FGF14: variants seen among roughly 807,000 people sequenced by gnomAD.
The protein encoded by FGF14 is fibroblast growth factor homologous factor 4.
A neutral mutation model predicts 25.5 loss-of-function variants in FGF14; 5 were observed. The ratio of observed to expected loss-of-function variants is 0.20; its 90% confidence interval spans 0.10 to 0.41. FGF14 has a LOEUF of 0.41. Ranked by LOEUF, FGF14 falls within the 10% of genes least tolerant of loss-of-function variation. The probability of loss-of-function intolerance (pLI) is 1.00; values close to 1 mark genes in which losing one functional copy is unlikely to be tolerated. For synonymous variants in FGF14, 138 were observed against 118.3 expected, an observed-to-expected ratio of 1.17 and a Z score of -1.08; for missense variants, 222 against 320.1, an observed-to-expected ratio of 0.69 and a Z score of 2.34.
At chr13:102,071,625 T>G (rs1379089237) in intron 1 of FGF14, among the ~76,000 whole-genome samples, 1 of 152,230 alleles carries the variant, frequency 6.6e-6, no homozygotes, top group African/African-American at 2.4e-5. Flanking sequence ...TTTTTCCGGA[T>G]GTAATAGAAA....
chr13:101,823,577 A>G (rs2140247762), intron 3 of FGF14, among the ~76,000 whole-genome samples: 1 of 150,536 alleles, frequency 6.6e-6, no homozygotes, highest in Admixed American at 6.6e-5. Context: ...AGCTGGGATT[A>G]CAGGCATGCA....
At chr13:101,946,075 C>T (rs2035784770) in intron 1 of FGF14, among the ~76,000 whole-genome samples, 1 of 152,100 alleles carries the variant, frequency 6.6e-6, no homozygotes, top group African/African-American at 2.4e-5. Flanking sequence ...AAACTAATAT[C>T]CATGCTAATC....
intron 1 of FGF14, among the ~76,000 whole-genome samples, chr13:102,027,992 C>A (rs551601124): frequency 5.9e-5 from 9 of 152,000 alleles, no homozygotes; most frequent in Admixed American, 2.6e-4. Flanking sequence ...AGAGTGTGGC[C>A]ACCTCTGGGT....
chr13:102,042,073 A>G (rs183198646), intron 1 of FGF14, among the ~76,000 whole-genome samples: 21 of 152,296 alleles, frequency 1.4e-4, no homozygotes, highest in African/African-American at 4.8e-4. Flanking sequence ...TTCCTTAGTC[A>G]TTTCCTTATG....
At chr13:102,008,293 G>GCTA (rs1189369059) in intron 1 of FGF14, among the ~76,000 whole-genome samples, 1 of 152,092 alleles carries the variant, frequency 6.6e-6, no homozygotes, top group Admixed American at 6.6e-5. Context: ...TTGATCCACA[G>GCTA]CTACTAAATT....
Position 102,224,467 on chromosome 13 carries a change from C to T in FGF14, c.208+177004G>A, listed in dbSNP as rs138274317. On this transcript the variant is annotated intron_variant, in intron 1 of 4. Coordinates refer to the FGF14 transcript ENST00000376131. ...TTGGTGCACCATCATGTTATAGATT[C>T]GAATGTCGCTATGCTGAATTAATAG... 2.7e-3 allele frequency among the ~76,000 whole-genome samples: 417 copies of T among 152,144 alleles called. 1 individual carries two copies. The highest frequency in any genetic ancestry group is 8.9e-3 in the African/African-American group (371 of 41,522).
At chr13:102,132,397 A>G (rs1210469267) in intron 1 of FGF14, among the ~76,000 whole-genome samples, 1 of 152,224 alleles carries the variant, frequency 6.6e-6, no homozygotes, top group African/African-American at 2.4e-5. Context: ...TCTGAGGTCC[A>G]AACTAAAGCA....
rs762346928 is a variant in FGF14, at chr13:101,714,575, T to C, written c.*8256A>G. ...AGGTGCAGTATTAACCTTTTCTAATTGCTCTATGCCACAGTTTGTTATAGA... is the reference window on the plus strand; with the variant it reads ...AGGTGCAGTATTAACCTTTTCTAATCGCTCTATGCCACAGTTTGTTATAGA... On this transcript the variant is annotated 3_prime_UTR_variant, in exon 5 of 5. Coordinates refer to ENST00000376143, the MANE Select transcript of FGF14 (RefSeq NM_004115.4). 2.2e-6 allele frequency: 3 copies of C among 1,339,126 alleles called. No individual in the cohort carries two copies. Among genetic ancestry groups the C allele is most frequent in the Admixed American group, 1.7e-5 (1 of 59,618 alleles). The allele number at this position is 1,339,126 out of a possible 1,614,324, so 83.0% of individuals were successfully genotyped here. A position where few individuals can be genotyped will look rare whatever the true frequency, so the allele number is the denominator to read the frequency against.
chr13:102,003,855 A>AT (rs1215372645), intron 1 of FGF14, among the ~76,000 whole-genome samples: 5 of 152,084 alleles, frequency 3.3e-5, no homozygotes, highest in Non-Finnish European at 7.4e-5. Flanking sequence ...TATAGCCAAA[A>AT]TGAATAGATA....
At chr13:102,087,625 T>A (rs565264856) in intron 1 of FGF14, among the ~76,000 whole-genome samples, 1 of 141,328 alleles carries the variant, frequency 7.1e-6, no homozygotes, top group East Asian at 2.2e-4. Flanking sequence ...GGGATTTCAC[T>A]GTGTTAGCCA....
At chr13:101,791,898 G>C (rs1187207196) in intron 3 of FGF14, among the ~76,000 whole-genome samples, 1 of 152,128 alleles carries the variant, frequency 6.6e-6, no homozygotes, top group Non-Finnish European at 1.5e-5. Context: ...CAAGCTGGAT[G>C]TGTTTATATA....
At chr13:101,780,811 G>T (rs2039442791) in intron 3 of FGF14, among the ~76,000 whole-genome samples, 2 of 152,068 alleles carry the variant, frequency 1.3e-5, no homozygotes, top group Non-Finnish European at 1.5e-5. Flanking sequence ...TCAGGGGCAC[G>T]GAGAAGCACA....
intron 1 of FGF14, among the ~76,000 whole-genome samples, chr13:101,900,256 C>T (rs1183073014): frequency 2.0e-5 from 3 of 151,972 alleles, no homozygotes; most frequent in Non-Finnish European, 4.4e-5. Flanking sequence ...AATCAACAAG[C>T]TTACAATTTA....
In FGF14 at chr13:102,136,327, G is replaced by A. The variant is rs183111872; in HGVS notation, c.209-261031C>T. Among the ~76,000 whole-genome samples the A allele has an allele frequency of 3.0e-4, 46 of 152,196 alleles. 1 individual carries two copies. In the East Asian group the frequency reaches 8.7e-3, roughly 29 times the overall value. On this transcript the variant is annotated intron_variant, in intron 1 of 4. Coordinates refer to the FGF14 transcript ENST00000376131. ...TGTTATCATCATAATTATTACCTGT[G>A]TTTTAGAGATGAGGAAACTGAGGCA...
chr13:101,963,013 A>G (rs1441036117), intron 1 of FGF14, among the ~76,000 whole-genome samples: 1 of 152,352 alleles, frequency 6.6e-6, no homozygotes, highest in East Asian at 1.9e-4. Flanking sequence ...TTCTTTGGAT[A>G]TGATCATGCT....
intron 1 of FGF14, among the ~76,000 whole-genome samples, chr13:101,901,384 C>T (rs937605884): frequency 9.9e-5 from 15 of 152,052 alleles, no homozygotes; most frequent in African/African-American, 3.1e-4. Flanking sequence ...CAAAGAGACC[C>T]CAAGTGAAGA....
At chr13:102,274,129 C>T (rs940602087) in intron 1 of FGF14, among the ~76,000 whole-genome samples, 4 of 152,258 alleles carry the variant, frequency 2.6e-5, no homozygotes, top group Non-Finnish European at 1.5e-5. Flanking sequence ...AATGTTCTAT[C>T]GTGGATCTGC....
intron 3 of FGF14, among the ~76,000 whole-genome samples, chr13:101,787,004 A>G (rs895545548): frequency 2.0e-5 from 3 of 152,178 alleles, no homozygotes; most frequent in African/African-American, 7.2e-5. Flanking sequence ...CTTCTAACAT[A>G]CAATCTGTCT....
chr13:102,263,837 G>A (rs1348513907), intron 1 of FGF14, among the ~76,000 whole-genome samples: 2 of 152,174 alleles, frequency 1.3e-5, no homozygotes, highest in African/African-American at 2.4e-5. Flanking sequence ...TCTGTTTAAC[G>A]TATTTGAAAG....
Sources: allele counts gnomAD v4.1 joint callset (sites outside exome capture counted in the v4.1 genomes callset), GRCh38; gene constraint gnomAD v4.1.1; transcripts MANE v1.5; gene names NCBI Gene and HGNC (gene_info 2026-07-23, HGNC 2026-07-21).